Variants in CFAP95 observed in about 807,000 individuals in gnomAD.
CFAP95 encodes the protein cilia and flagella associated protein 95.
chr9:69,887,034 T>C, the CFAP95 span: 1 of 632,004 alleles, frequency 1.6e-6, no homozygotes, highest in South Asian at 2.2e-5. Context: ...TATTAGCTGT[T>C]TATTGGAATC....
chr9:69,857,786 C>G, the CFAP95 span: 1 of 790,530 alleles, frequency 1.3e-6, no homozygotes, highest in African/African-American at 1.7e-5. Flanking sequence ...TCTCGGCCTC[C>G]CAAAGTTCTG....
At chr9:69,834,899 T>C in the CFAP95 span, among the ~76,000 whole-genome samples, 1 of 152,242 alleles carries the variant, frequency 6.6e-6, no homozygotes, top group Non-Finnish European at 1.5e-5. Flanking sequence ...TCTTTATGAT[T>C]CTGCAAATAC....
At chr9:69,866,996 G>T in the CFAP95 span, among the ~76,000 whole-genome samples, 5,012 of 152,204 alleles carry the variant, frequency 0.033, 254 homozygotes, top group African/African-American at 0.11. Context: ...TGAATTAATT[G>T]CGGAGTCAAC....
chr9:69,830,792 C>G, the CFAP95 span, among the ~76,000 whole-genome samples: 1 of 152,118 alleles, frequency 6.6e-6, no homozygotes, highest in Non-Finnish European at 1.5e-5. Context: ...GGACTATAGG[C>G]ATGCACCACC....
chr9:69,852,648 G>A, the CFAP95 span, among the ~76,000 whole-genome samples: 2 of 152,152 alleles, frequency 1.3e-5, no homozygotes, highest in Admixed American at 1.3e-4. Context: ...GGTTCCAGAA[G>A]CAGCCTGTGG....
At chr9:69,870,479 T>C in the CFAP95 span, among the ~76,000 whole-genome samples, 1 of 152,226 alleles carries the variant, frequency 6.6e-6, no homozygotes, top group Non-Finnish European at 1.5e-5. Flanking sequence ...TTGGATCTTT[T>C]TGTGTTTCTT....
At chr9:69,839,411 A>C in the CFAP95 span, among the ~76,000 whole-genome samples, 1 of 151,456 alleles carries the variant, frequency 6.6e-6, no homozygotes. Context: ...ACAATTTCAG[A>C]TCCTGTTATT....
At chr9:69,885,092 G>A in the CFAP95 span, 2 of 152,146 alleles carry the variant, frequency 1.3e-5, no homozygotes, top group Non-Finnish European at 2.9e-5. Context: ...ACAACCTGAG[G>A]GCCTGGCAAG....
the CFAP95 span, chr9:69,906,013 G>A: frequency 1.3e-3 from 2,070 of 1,612,578 alleles, 16 homozygotes; most frequent in African/African-American, 0.023. Flanking sequence ...CTCAGTTCAC[G>A]GATCTAAATG....
At chr9:69,827,797 C>T in the CFAP95 span, among the ~76,000 whole-genome samples, 1 of 152,186 alleles carries the variant, frequency 6.6e-6, no homozygotes, top group African/African-American at 2.4e-5. Flanking sequence ...CTTGTCCTCT[C>T]ACAGCCCCCG....
chr9:69,850,499 G>A, the CFAP95 span, among the ~76,000 whole-genome samples: 2 of 152,260 alleles, frequency 1.3e-5, no homozygotes, highest in South Asian at 4.1e-4. Context: ...AAAAACTAAT[G>A]TCCTAAAAGG....
At chr9:69,832,732 A>G in the CFAP95 span, among the ~76,000 whole-genome samples, 2 of 135,222 alleles carry the variant, frequency 1.5e-5, no homozygotes, top group African/African-American at 5.6e-5. Flanking sequence ...TTTAGGGTAC[A>G]TGTGCAAAAC....
the CFAP95 span, among the ~76,000 whole-genome samples, chr9:69,875,664 G>T: frequency 6.6e-6 from 1 of 152,160 alleles, no homozygotes; most frequent in African/African-American, 2.4e-5. Context: ...ACTTTGAGTA[G>T]GAAGAGGGTA....
chr9:69,876,011 G>A, the CFAP95 span, among the ~76,000 whole-genome samples: 393 of 152,004 alleles, frequency 2.6e-3, 1 homozygote, highest in African/African-American at 9.0e-3. Context: ...TCACCAATTC[G>A]CAATAACATT....
chr9:69,869,514 C>T, the CFAP95 span, among the ~76,000 whole-genome samples: 1 of 151,956 alleles, frequency 6.6e-6, no homozygotes, highest in African/African-American at 2.4e-5. Context: ...GATGAATAAG[C>T]GCTAGAGATC....
chr9:69,837,426 A>G, the CFAP95 span, among the ~76,000 whole-genome samples: 5 of 151,932 alleles, frequency 3.3e-5, no homozygotes, highest in Admixed American at 3.3e-4. Context: ...TGCCATTCTA[A>G]CTGGTGTGAG....
At chr9:69,861,752 A>C in the CFAP95 span, among the ~76,000 whole-genome samples, 15 of 149,144 alleles carry the variant, frequency 1.0e-4, no homozygotes, top group African/African-American at 3.2e-4. Context: ...AAAAAAAAAA[A>C]ACACAACATT....
At chr9:69,896,275 A>G in the CFAP95 span, among the ~76,000 whole-genome samples, 15 of 152,244 alleles carry the variant, frequency 9.9e-5, no homozygotes, top group Non-Finnish European at 1.9e-4. Context: ...AATTTTGTGC[A>G]TTAGAAACAA....
the CFAP95 span, among the ~76,000 whole-genome samples, chr9:69,823,997 C>G: frequency 1 from 151,618 of 152,310 alleles, 75,466 homozygotes; most frequent in Non-Finnish European, 1. Flanking sequence ...AGGTCACCGG[C>G]GATATGATGG....
Sources: allele counts gnomAD v4.1 joint callset (sites outside exome capture counted in the v4.1 genomes callset), GRCh38; gene constraint gnomAD v4.1.1; transcripts MANE v1.5; gene names NCBI Gene and HGNC (gene_info 2026-07-23, HGNC 2026-07-21).